The following SNX7 variants were observed in gnomAD, a reference collection of about 807,000 sequenced individuals.
SNX7 encodes the protein sorting nexin-7.
A neutral mutation model predicts 48.4 loss-of-function variants in SNX7; 35 were observed. The observed-to-expected ratio is 0.72, with a 90% confidence interval of 0.55 to 0.96. SNX7 has a LOEUF of 0.96. SNX7 is among the 40% of genes least tolerant of loss of function. The probability of loss-of-function intolerance (pLI) is 0.00; values close to 1 mark genes in which losing one functional copy is unlikely to be tolerated. For missense variants in SNX7, 553 were observed against 548.9 expected, an observed-to-expected ratio of 1.01 and a Z score of -0.07; for synonymous variants, 190 against 190.2, an observed-to-expected ratio of 1.00 and a Z score of 0.01.
At chr1:98,726,633 T>C (rs927237528) in intron 7 of SNX7, among the ~76,000 whole-genome samples, 1 of 150,164 alleles carries the variant, frequency 6.7e-6, no homozygotes, top group Non-Finnish European at 1.5e-5. Flanking sequence ...CCATTGAATA[T>C]GGAGATATAT....
chr1:98,738,812 A>T (rs932769708), intron 8 of SNX7, among the ~76,000 whole-genome samples: 3 of 152,100 alleles, frequency 2.0e-5, no homozygotes, highest in Non-Finnish European at 4.4e-5. Context: ...GAGTAACAAC[A>T]TCTTTTTTTA....
chr1:98,662,218 C>T (rs1649276205), intron 1 of SNX7: 1 of 235,016 alleles, frequency 4.3e-6, no homozygotes, highest in Non-Finnish European at 8.2e-6. Context: ...TTCTCTGACA[C>T]AGACATCTTC....
intron 8 of SNX7, among the ~76,000 whole-genome samples, chr1:98,753,883 A>G (rs999016277): frequency 2.0e-5 from 3 of 151,994 alleles, no homozygotes; most frequent in East Asian, 3.9e-4. Flanking sequence ...CTTCTTTTTT[A>G]TACTTGACAT....
intron 7 of SNX7, among the ~76,000 whole-genome samples, chr1:98,726,269 G>T (rs2101015393): frequency 6.6e-6 from 1 of 152,314 alleles, no homozygotes; most frequent in East Asian, 1.9e-4. Context: ...TAAGAAAGGA[G>T]CAAGAGAAGC....
chr1:98,670,798 T>A (rs1649812954), intron 1 of SNX7, among the ~76,000 whole-genome samples: 1 of 152,018 alleles, frequency 6.6e-6, no homozygotes, highest in Non-Finnish European at 1.5e-5. Context: ...GGATGTTGTA[T>A]AAACAAAGAA....
At chr1:98,754,370 C>T (rs183828130) in intron 8 of SNX7, among the ~76,000 whole-genome samples, 1 of 151,994 alleles carries the variant, frequency 6.6e-6, no homozygotes, top group Non-Finnish European at 1.5e-5. Flanking sequence ...ACAGCATCCC[C>T]ATGTCTTCAA....
intron 1 of SNX7, 179 bp downstream of exon 1, chr1:98,662,090 C>A: frequency 1.7e-6 from 1 of 574,042 alleles, no homozygotes; most frequent in Non-Finnish European, 2.6e-6. Flanking sequence ...GCACCCGGGG[C>A]CGCGTCGCCT....
At chr1:98,661,552 A>G, upstream of SNX7, 1 of 420,260 alleles carries the variant, frequency 2.4e-6, no homozygotes, top group Non-Finnish European at 3.7e-6. Flanking sequence ...GCCCCAGGCC[A>G]GGTGGGGATG....
chr1:98,708,996 G>A (rs1050164530), intron 7 of SNX7, among the ~76,000 whole-genome samples: 7 of 152,146 alleles, frequency 4.6e-5, no homozygotes, highest in African/African-American at 1.4e-4. Context: ...CTTAATCCCA[G>A]TTGCAGAGTT....
chr1:98,692,741 GTTAATT>G (rs2100957423), intron 4 of SNX7, among the ~76,000 whole-genome samples: 1 of 152,254 alleles, frequency 6.6e-6, no homozygotes, highest in Non-Finnish European at 1.5e-5. Flanking sequence ...GTGTAGTGTA[GTTAATT>G]TTAAGCAGTT....
At chr1:98,701,754 T>G (rs1651760537) in intron 6 of SNX7, 63 bp from the exon 7 acceptor site, 1 of 1,051,700 alleles carries the variant, frequency 9.5e-7, no homozygotes, top group African/African-American at 1.6e-5. Flanking sequence ...TATATATTTT[T>G]GCTATAGGAA....
At chr1:98,687,858 G>C (rs1650891139) in intron 2 of SNX7, among the ~76,000 whole-genome samples, 1 of 152,062 alleles carries the variant, frequency 6.6e-6, no homozygotes, top group African/African-American at 2.4e-5. Flanking sequence ...GCAAGAGAGA[G>C]CTTGTGCAGG....
chr1:98,717,224 T>C lies in SNX7; in HGVS notation c.1125+15321T>C, dbSNP rs555269616. 5.8e-4 allele frequency among the ~76,000 whole-genome samples: 88 copies of C among 152,304 alleles called. No individual in the cohort carries two copies. In the South Asian group the frequency reaches 6.2e-3, roughly 11 times the overall value. On this transcript the variant is annotated intron_variant, in intron 7 of 8. Transcript: ENST00000306121. ...GCTAACATTTCTTGAGCACACACGA[T>C]GTGCCAGGCAGAGTCCTAAATGTTC...
At chr1:98,735,407 C>T (rs148288095) in intron 7 of SNX7, among the ~76,000 whole-genome samples, 1 of 152,006 alleles carries the variant, frequency 6.6e-6, no homozygotes, top group African/African-American at 2.4e-5. Flanking sequence ...ATGAATAACT[C>T]GTCAAAGAAA....
At chr1:98,711,652 T>C (rs749196429) in intron 7 of SNX7, among the ~76,000 whole-genome samples, 6 of 152,226 alleles carry the variant, frequency 3.9e-5, no homozygotes, top group Non-Finnish European at 7.3e-5. Context: ...ATCTTTTTGC[T>C]GGTAGAGTGT....
intron 8 of SNX7, among the ~76,000 whole-genome samples, chr1:98,741,968 A>G (rs1025341737): frequency 2.0e-5 from 3 of 152,150 alleles, no homozygotes; most frequent in Non-Finnish European, 4.4e-5. Context: ...AAATTCTGGC[A>G]GGAAAGTGCA....
intron 8 of SNX7, among the ~76,000 whole-genome samples, chr1:98,749,207 GC>G (rs1654458305): frequency 6.6e-6 from 1 of 151,992 alleles, no homozygotes; most frequent in Admixed American, 6.6e-5. Context: ...ACCTTTCAGA[GC>G]CCCAATTTCC....
chr1:98,661,449 C>T (rs1048736658), upstream of SNX7, among the ~76,000 whole-genome samples: 6 of 152,088 alleles, frequency 3.9e-5, no homozygotes, highest in Non-Finnish European at 7.4e-5. Context: ...CGCCCACCTC[C>T]TACCTTTGAG....
chr1:98,684,831 TAGA>T lies in SNX7; in HGVS notation c.181-50_181-48del, dbSNP rs1023952776. ...CATTAATATTGATAGCATCTAGAAA[TAGA>T]AGAGTTTAATTTTTCTATTGATACT... On this transcript the variant is annotated intron_variant, in intron 1 of 8. Coordinates refer to ENST00000306121, the MANE Select transcript of SNX7 (RefSeq NM_015976.5). 3.2e-6 allele frequency: 4 copies of T among 1,252,804 alleles called. No homozygotes were observed. The African/African-American group carries it at 4.5e-5, about 14-fold the overall frequency. The allele number at this position is 1,252,804 out of a possible 1,614,324, so 77.6% of individuals were successfully genotyped here.
Sources: allele counts gnomAD v4.1 joint callset (sites outside exome capture counted in the v4.1 genomes callset), GRCh38; gene constraint gnomAD v4.1.1; transcripts MANE v1.5; gene names NCBI Gene and HGNC (gene_info 2026-07-23, HGNC 2026-07-21).